Variants in RBFOX1 observed in about 807,000 individuals in gnomAD.
The protein encoded by RBFOX1 is RNA binding fox-1 homolog 1.
RBFOX1 carries 8 observed loss-of-function variants against 57.7 expected under a neutral mutation model. The observed-to-expected ratio is 0.14, with a 90% CI of 0.08 to 0.25. RBFOX1 has a LOEUF of 0.25. Ranked by LOEUF, RBFOX1 falls within the 10% of genes least tolerant of loss-of-function variation. The pLI is 1.00. For synonymous variants in RBFOX1, 326 were observed against 222.4 expected, an observed-to-expected ratio of 1.47 and a Z score of -4.15; for missense variants, 611 against 548.5, an observed-to-expected ratio of 1.11 and a Z score of -1.14.
intron 3 of RBFOX1, among the ~76,000 whole-genome samples, chr16:6,745,463 G>C (rs1023993467): frequency 3.4e-4 from 51 of 152,122 alleles, no homozygotes; most frequent in Admixed American, 3.3e-3. Context: ...AGAATGAGCA[G>C]ATTTTGTTTT....
At chr16:5,482,104 T>C (rs1030643545) in intron 2 of RBFOX1, among the ~76,000 whole-genome samples, 7 of 152,176 alleles carry the variant, frequency 4.6e-5, no homozygotes, top group African/African-American at 1.7e-4. Context: ...ACTTTCACCA[T>C]GGCGAATCGT....
chr16:7,623,363 T>C (rs143146312), intron 10 of RBFOX1, among the ~76,000 whole-genome samples: 46 of 152,330 alleles, frequency 3.0e-4, no homozygotes, highest in African/African-American at 1.1e-3. Flanking sequence ...CTTGCCATAA[T>C]GTAGAATCAG....
chr16:7,358,875 C>G (rs1457750297), intron 4 of RBFOX1, among the ~76,000 whole-genome samples: 1 of 152,140 alleles, frequency 6.6e-6, no homozygotes, highest in African/African-American at 2.4e-5. Context: ...TTTCTAAGGA[C>G]AAGACATGAG....
intron 2 of RBFOX1, among the ~76,000 whole-genome samples, chr16:6,428,357 C>G (rs1007987905): frequency 6.7e-6 from 1 of 149,628 alleles, no homozygotes; most frequent in Non-Finnish European, 1.5e-5. Flanking sequence ...TTACCATTTT[C>G]ATTATTATTA....
chr16:7,693,679 G>T (rs959669844), intron 14 of RBFOX1, among the ~76,000 whole-genome samples: 1 of 152,078 alleles, frequency 6.6e-6, no homozygotes, highest in Non-Finnish European at 1.5e-5. Flanking sequence ...GTAAAATAGG[G>T]AACAGGAAGA....
chr16:5,661,661 C>G (rs950269357), intron 3 of RBFOX1, among the ~76,000 whole-genome samples: 3 of 152,200 alleles, frequency 2.0e-5, no homozygotes, highest in Admixed American at 1.3e-4. Flanking sequence ...GGTCCTCACC[C>G]GTAGTTAGTT....
intron 1 of RBFOX1, among the ~76,000 whole-genome samples, chr16:6,195,518 G>T (rs1014763043): frequency 6.6e-6 from 1 of 152,126 alleles, no homozygotes; most frequent in African/African-American, 2.4e-5. Flanking sequence ...GGGATTTCGA[G>T]ACCAGCCTGA....
intron 3 of RBFOX1, among the ~76,000 whole-genome samples, chr16:7,028,609 C>CAA (rs869138217): frequency 2.2e-4 from 10 of 45,422 alleles, no homozygotes; most frequent in Admixed American, 7.1e-4. Context: ...CACACACACA[C>CAA]AAAAAAAAAA....
intron 1 of RBFOX1, among the ~76,000 whole-genome samples, chr16:6,264,775 G>A (rs1223413690): frequency 6.6e-6 from 1 of 152,164 alleles, no homozygotes; most frequent in African/African-American, 2.4e-5. Context: ...TCTTTTCTTA[G>A]CATGCCACTG....
intron 2 of RBFOX1, among the ~76,000 whole-genome samples, chr16:6,327,577 T>G (rs1012584469): frequency 6.6e-6 from 1 of 152,160 alleles, no homozygotes; most frequent in Non-Finnish European, 1.5e-5. Context: ...CAGATTATAT[T>G]TAAGAGGAAC....
chr16:7,143,015 T>G (rs1384757041), intron 4 of RBFOX1, among the ~76,000 whole-genome samples: 6 of 152,070 alleles, frequency 3.9e-5, no homozygotes, highest in Non-Finnish European at 8.8e-5. Context: ...GAGAGTGCTT[T>G]AGGAGAGGTA....
chr16:5,782,441 A>G (rs2054353981), intron 3 of RBFOX1, among the ~76,000 whole-genome samples: 1 of 152,204 alleles, frequency 6.6e-6, no homozygotes, highest in East Asian at 1.9e-4. Flanking sequence ...CAGAGCCCTT[A>G]TGATTTACGC....
At chr16:5,938,336 C>T (rs1030593932) in intron 4 of RBFOX1, among the ~76,000 whole-genome samples, 4 of 152,148 alleles carry the variant, frequency 2.6e-5, no homozygotes, top group East Asian at 1.9e-4. Flanking sequence ...TCTCACTGAT[C>T]GTTGCTGATG....
At chr16:6,886,778 CAAAACAAAAA>C (rs2064143686) in intron 3 of RBFOX1, among the ~76,000 whole-genome samples, 1 of 136,400 alleles carries the variant, frequency 7.3e-6, no homozygotes, top group Non-Finnish European at 1.6e-5. Context: ...CAAAACAAAA[CAAAACAAAAA>C]AAAAACCAGA....
intron 2 of RBFOX1, among the ~76,000 whole-genome samples, chr16:6,564,022 G>C (rs1337818244): frequency 6.6e-6 from 1 of 152,010 alleles, no homozygotes; most frequent in African/African-American, 2.4e-5. Flanking sequence ...TGTTGTTTCT[G>C]CTTCTTCCCA....
chr16:6,098,202 C>T (rs911350415), intron 1 of RBFOX1, among the ~76,000 whole-genome samples: 7 of 152,308 alleles, frequency 4.6e-5, no homozygotes, highest in African/African-American at 1.7e-4. Context: ...CCTGGGAGGG[C>T]CTGTGTGACA....
chr16:6,975,567 G>A (rs1431690386), intron 3 of RBFOX1, among the ~76,000 whole-genome samples: 3 of 152,046 alleles, frequency 2.0e-5, no homozygotes, highest in Admixed American at 6.6e-5. Context: ...GCACCTGGCC[G>A]CAAGTGCCCA....
At chr16:5,466,996 C>A (rs1288341014) in intron 1 of RBFOX1, among the ~76,000 whole-genome samples, 1 of 152,334 alleles carries the variant, frequency 6.6e-6, no homozygotes, top group East Asian at 1.9e-4. Context: ...CATCTTCCTT[C>A]TGTCTTATGG....
chr16:5,557,771 C>A (rs1057293045), intron 2 of RBFOX1, among the ~76,000 whole-genome samples: 7 of 152,154 alleles, frequency 4.6e-5, no homozygotes, highest in African/African-American at 1.7e-4. Flanking sequence ...ACCTGAAGAC[C>A]CATGGCTGTA....
Sources: allele counts gnomAD v4.1 joint callset (sites outside exome capture counted in the v4.1 genomes callset), GRCh38; gene constraint gnomAD v4.1.1; transcripts MANE v1.5; gene names NCBI Gene and HGNC (gene_info 2026-07-23, HGNC 2026-07-21).